The following CROCC2 variants were observed in gnomAD, a reference collection of about 807,000 sequenced individuals.
CROCC2 encodes ciliary rootlet coiled-coil, rootletin family member 2.
CROCC2 carries 163 observed loss-of-function variants against 177.6 expected under a neutral mutation model. That is an observed-to-expected ratio of 0.92 (90% CI 0.81 to 1.05). The LOEUF (loss-of-function observed/expected upper bound fraction) is 1.05. CROCC2 is among the 50% of genes least tolerant of loss of function. The pLI is 0.00. For missense variants in CROCC2, 1,929 were observed against 1,797.8 expected, an observed-to-expected ratio of 1.07 and a Z score of -1.32; for synonymous variants, 904 against 787.3, an observed-to-expected ratio of 1.15 and a Z score of -2.48.
chr2:240,952,708 G>A (rs2059564579), intron 18 of CROCC2, among the ~76,000 whole-genome samples: 1 of 152,244 alleles, frequency 6.6e-6, no homozygotes, highest in Admixed American at 6.5e-5. Context: ...AGAGAGGTGT[G>A]CAGTGGAGCT....
chr2:240,962,010 C>CCACA (rs869266774), intron 20 of CROCC2, among the ~76,000 whole-genome samples: 137 of 43,502 alleles, frequency 3.1e-3, no homozygotes, highest in African/African-American at 5.5e-3. Context: ...CACTCATCAC[C>CCACA]CACACACACA....
rs1220778044 is a variant in CROCC2 at position 240,953,308 on chromosome 2, A to T, written c.2830-2551A>T. On this transcript the variant is annotated intron_variant, in intron 18 of 31. Coordinates refer to ENST00000690015, the MANE Select transcript of CROCC2 (RefSeq NM_001351305.2). The surrounding 1 kb of genome is among the most constrained non-coding windows in gnomAD (Gnocchi z 4.0). ...TGGGTGCCTGTAATCCCCGCTACTCAGGAGGCTGAGGCAGGAGAATCGCTT... is the reference window on the plus strand; with the variant it reads ...TGGGTGCCTGTAATCCCCGCTACTCTGGAGGCTGAGGCAGGAGAATCGCTT... Among the ~76,000 whole-genome samples, 2 of 151,836 alleles carry T rather than the reference A, an allele frequency of 1.3e-5. No homozygotes were observed. Among genetic ancestry groups the T allele is most frequent in the Admixed American group, 1.3e-4 (2 of 15,254 alleles).
intron 14 of CROCC2, among the ~76,000 whole-genome samples, chr2:240,945,172 G>A (rs1288849739): frequency 6.6e-6 from 1 of 152,212 alleles, no homozygotes; most frequent in Admixed American, 6.5e-5. Flanking sequence ...CTGACCTCAA[G>A]TGATCTGCCT....
At position 240,920,138 on chromosome 2, in the gene CROCC2, C is replaced by T. The variant is rs1269057949; in HGVS notation, c.381+4C>T. ...GTGCCGTGTGGTCAGCGAGCAGGTG[C>T]GTGTGTGCAGCAGACTCAGGGCAGG... On this transcript the variant is annotated splice_donor_region_variant and intron_variant, in intron 3 of 31. Coordinates refer to ENST00000690015, the MANE Select transcript of CROCC2 (RefSeq NM_001351305.2). 3.0e-6 allele frequency: 2 copies of T among 675,242 alleles called. No individual in the cohort carries two copies. The highest frequency in any genetic ancestry group is 2.7e-6 in the Non-Finnish European group (1 of 364,044). The allele number at this position is 675,242 out of a possible 1,614,324, so 41.8% of individuals were successfully genotyped here.
intron 27 of CROCC2, among the ~76,000 whole-genome samples, chr2:240,969,563 G>A (rs1275037235): frequency 6.6e-6 from 1 of 152,234 alleles, no homozygotes; most frequent in East Asian, 1.9e-4. Flanking sequence ...ATGGGGTCAG[G>A]ACTTGTGAGA....
chr2:240,956,940 C>T (rs994632170), intron 19 of CROCC2, among the ~76,000 whole-genome samples: 3 of 152,130 alleles, frequency 2.0e-5, no homozygotes, highest in Admixed American at 1.3e-4. Flanking sequence ...CAGAGCCCAG[C>T]GATAGGACAT....
chr2:240,917,770 C>T lies in CROCC2; in HGVS notation c.79-956C>T, dbSNP rs2059329982. ...GCCTGAAATTCAGATATCCTTAAGG[C>T]AGCAGGCCGGGGACAGCTGTGGCCT... On this transcript the variant is annotated intron_variant, in intron 1 of 31. Transcript: ENST00000690015. This position sits in a 1 kb window ranked among gnomAD's most constrained non-coding sequence, Gnocchi z 4.9. Among the ~76,000 whole-genome samples the T allele has an allele frequency of 6.6e-6, 1 of 152,194 alleles. No homozygotes were observed. The highest frequency in any genetic ancestry group is 1.5e-5 in the Non-Finnish European group (1 of 68,028).
At chr2:240,911,987 A>T (rs946367433) in intron 1 of CROCC2, among the ~76,000 whole-genome samples, 3 of 152,134 alleles carry the variant, frequency 2.0e-5, no homozygotes, top group Non-Finnish European at 1.5e-5. Context: ...TCTGCTTTCA[A>T]TTCTTTCGGG....
intron 27 of CROCC2, among the ~76,000 whole-genome samples, chr2:240,981,269 A>T (rs2059797515): frequency 6.6e-6 from 1 of 151,788 alleles, no homozygotes; most frequent in Admixed American, 6.6e-5. Flanking sequence ...GCCCAGGCTC[A>T]TCCCTGCTCA....
At chr2:240,943,225 C>T (rs2059503990) in intron 14 of CROCC2, among the ~76,000 whole-genome samples, 1 of 152,076 alleles carries the variant, frequency 6.6e-6, no homozygotes, top group Admixed American at 6.6e-5. Flanking sequence ...CCAGGCTGGT[C>T]TCAAACTCCT....
chr2:240,923,115 G>A (rs1451250536), intron 4 of CROCC2, among the ~76,000 whole-genome samples: 2 of 152,064 alleles, frequency 1.3e-5, no homozygotes, highest in Non-Finnish European at 2.9e-5. Context: ...ATGGGGGACG[G>A]GACTGGTGCC....
At chr2:240,990,547 T>C (rs2059871070) in intron 30 of CROCC2, among the ~76,000 whole-genome samples, 1 of 152,032 alleles carries the variant, frequency 6.6e-6, no homozygotes. Context: ...AAAGGACATT[T>C]ATTTATTTCC....
intron 11 of CROCC2, 125 bp downstream of exon 11, chr2:240,933,977 G>A: frequency 9.1e-7 from 1 of 1,096,096 alleles, no homozygotes; most frequent in Non-Finnish European, 1.3e-6. Flanking sequence ...GGGTGTGGTG[G>A]CCCTAACAGG....
chr2:240,939,897 C>A (rs966810593), intron 14 of CROCC2, among the ~76,000 whole-genome samples: 1 of 152,140 alleles, frequency 6.6e-6, no homozygotes, highest in South Asian at 2.1e-4. Context: ...CCATCACGAT[C>A]GGAGGACATA....
chr2:240,930,172 T>A lies in CROCC2; in HGVS notation c.652T>A (p.Ser218Thr), dbSNP rs903595485. The change falls in exon 6 of 32, where the codon TCA becomes ACA. Residue 218 changes from serine to threonine, a missense_variant. Transcript: ENST00000690015. ...GGAGGCCTCTTGCTTTCAGACCCGG[T>A]CAGGGGGCCTGGGGCAGCCCCGGGA... ...LRRWAQRQTRSGGLGQPRDLL... is the reference protein window; with the variant it reads ...LRRWAQRQTRTGGLGQPRDLL... 4 of 556,288 alleles carry A rather than the reference T, an allele frequency of 7.2e-6. No homozygotes were observed. The highest frequency in any genetic ancestry group is 1.3e-5 in the Non-Finnish European group (4 of 305,448). The allele number at this position is 556,288 out of a possible 1,614,324, so 34.5% of individuals were successfully genotyped here. A position where few individuals can be genotyped will look rare whatever the true frequency, so the allele number is the denominator to read the frequency against.
intron 22 of CROCC2, 29 bp from the exon 23 acceptor site, chr2:240,965,352 A>C (rs1266551403): frequency 6.5e-7 from 1 of 1,548,008 alleles, no homozygotes; most frequent in African/African-American, 1.4e-5. Flanking sequence ...GAGACCAGTG[A>C]CCCTGTCCGT....
In CROCC2 at chr2:240,965,863, CCAGGCTGAGGG is replaced by C; in HGVS notation, c.3832_3842del (p.Gln1278CysfsTer103). 1 of 1,447,156 alleles carries C rather than the reference CCAGGCTGAGGG, an allele frequency of 6.9e-7. No homozygotes were observed. The highest frequency in any genetic ancestry group is 9.1e-7 in the Non-Finnish European group (1 of 1,097,466). The allele number at this position is 1,447,156 out of a possible 1,614,324, so 89.6% of individuals were successfully genotyped here. ...TCCACAGCCTGGAGCAGGAGCTGGC[CCAGGCTGAGGG>C]TGCAAGGCAGGATGCGGAGGCCCAG... On this transcript the variant is annotated frameshift_variant, in exon 24 of 32. Coordinates refer to ENST00000690015, the MANE Select transcript of CROCC2 (RefSeq NM_001351305.2). LOFTEE classifies it high-confidence loss of function.
At chr2:240,919,405 G>C (rs1335855108) in intron 2 of CROCC2, among the ~76,000 whole-genome samples, 1 of 152,130 alleles carries the variant, frequency 6.6e-6, no homozygotes, top group Non-Finnish European at 1.5e-5. Context: ...CCTGGGCTCT[G>C]CCTGTCCTGC....
rs999151941 is a variant in CROCC2 at position 240,934,898 on chromosome 2, TC to T, written c.1792-13del. The T allele has an allele frequency of 6.8e-7, 1 of 1,478,770 alleles. No individual in the cohort carries two copies. Among genetic ancestry groups the T allele is most frequent in the Non-Finnish European group, 9.0e-7 (1 of 1,115,448 alleles). 91.6% of individuals were successfully genotyped at this position (1,478,770 alleles called of 1,614,324 possible). A position where few individuals can be genotyped will look rare whatever the true frequency, so the allele number is the denominator to read the frequency against. ...GGAAGCTGAAGGTCCCTCCCTGGCA[TC>T]CCCCTCCCTGCCCCAGGCCGAGTGC... On this transcript the variant is annotated splice_polypyrimidine_tract_variant and intron_variant, in intron 12 of 31. Transcript: ENST00000690015.
Sources: gnomAD v4.1 joint callset for allele counts (sites outside exome capture counted in the v4.1 genomes callset) on GRCh38, gnomAD v4.1.1 for gene constraint, Gnocchi (gnomAD v3.1) non-coding constraint, MANE v1.5 for transcripts, NCBI Gene and HGNC (gene_info 2026-07-23, HGNC 2026-07-21) for gene names.